The following MKRN2 variants were observed in gnomAD, a reference collection of about 807,000 sequenced individuals.
MKRN2 encodes makorin ring finger protein 2, also known as E3 ubiquitin-protein ligase makorin-2.
A neutral mutation model predicts 45.4 loss-of-function variants in MKRN2; 32 were observed. That is an observed-to-expected ratio of 0.70 (90% CI 0.53 to 0.95). The LOEUF is 0.95. MKRN2 is among the 40% of genes least tolerant of loss of function. The pLI, the probability that MKRN2 is intolerant of heterozygous loss-of-function variation, is 0.00. For missense variants in MKRN2, 526 were observed against 536.7 expected, an observed-to-expected ratio of 0.98 and a Z score of 0.20; for synonymous variants, 206 against 192.4, an observed-to-expected ratio of 1.07 and a Z score of -0.59.
At chr3:12,568,840 T>C (rs777144768) in intron 1 of MKRN2, 35 bp from the exon 2 acceptor site, 1 of 1,597,078 alleles carries the variant, frequency 6.3e-7, no homozygotes, top group South Asian at 1.1e-5. Flanking sequence ...CAAAATGTGC[T>C]TCTAAAAGTT....
chr3:12,580,556 A>T (rs973135052), intron 6 of MKRN2, among the ~76,000 whole-genome samples: 4 of 151,612 alleles, frequency 2.6e-5, no homozygotes, highest in African/African-American at 9.7e-5. Context: ...GGGTTCAAGC[A>T]ATTCTCCTGC....
chr3:12,575,295 C>T (rs907795190), intron 5 of MKRN2, among the ~76,000 whole-genome samples: 1 of 152,166 alleles, frequency 6.6e-6, no homozygotes, highest in Non-Finnish European at 1.5e-5. Flanking sequence ...CATCTCCTAG[C>T]CTTGTGTTTG....
intron 5 of MKRN2, among the ~76,000 whole-genome samples, chr3:12,576,090 A>G (rs1261056482): frequency 6.6e-6 from 1 of 152,016 alleles, no homozygotes; most frequent in African/African-American, 2.4e-5. Context: ...CTGTTGGAGA[A>G]TCTGCCAGAC....
At chr3:12,579,951 C>T (rs116310471) in intron 6 of MKRN2, among the ~76,000 whole-genome samples, 2,602 of 152,238 alleles carry the variant, frequency 0.017, 78 homozygotes, top group African/African-American at 0.059. Flanking sequence ...GAAGCTCCTC[C>T]GTGCTGCTCT....
In MKRN2 at chr3:12,582,958, G is replaced by C. The variant is rs996164419; in HGVS notation, c.*705G>C. On this transcript the variant is annotated 3_prime_UTR_variant, in exon 8 of 8. Coordinates refer to ENST00000170447, the MANE Select transcript of MKRN2 (RefSeq NM_014160.5). Reference sequence around the variant, plus strand: ...GAGGTACAGTACTGGGTAGCAGTCTGGCCCTCCTGTCGTCTGGTTGGTGTT... The same window carrying C: ...GAGGTACAGTACTGGGTAGCAGTCTCGCCCTCCTGTCGTCTGGTTGGTGTT... 1 of 152,254 alleles carries C rather than the reference G, an allele frequency of 6.6e-6. No homozygotes were observed. Among genetic ancestry groups the C allele is most frequent in the Non-Finnish European group, 1.5e-5 (1 of 68,072 alleles). The allele number at this position is 152,254 out of a possible 1,614,324, so 9.4% of individuals were successfully genotyped here.
intron 6 of MKRN2, among the ~76,000 whole-genome samples, chr3:12,581,165 G>A (rs540600323): frequency 7.5e-4 from 114 of 152,276 alleles, no homozygotes; most frequent in African/African-American, 2.5e-3. Context: ...AAAACATTTT[G>A]AACTGTTTGG....
At chr3:12,564,273 G>A (rs535933594) in intron 1 of MKRN2, among the ~76,000 whole-genome samples, 2 of 152,254 alleles carry the variant, frequency 1.3e-5, no homozygotes, top group South Asian at 2.1e-4. Flanking sequence ...ATACCCAGAA[G>A]TGGAATTGCC....
Position 12,576,590 on chromosome 3 carries a change from G to A in MKRN2, c.858-41G>A, listed in dbSNP as rs577333767. 25 of 1,447,788 alleles carry A rather than the reference G, an allele frequency of 1.7e-5. No homozygotes were observed. In the East Asian group the frequency reaches 2.6e-4, roughly 15 times the overall value. The allele number at this position is 1,447,788 out of a possible 1,614,324, so 89.7% of individuals were successfully genotyped here. On this transcript the variant is annotated intron_variant, in intron 5 of 7. Transcript: ENST00000170447. ...TTAGCAGAGAGTGTGCCCAGGCTTCGTAACATGACTTCTCCCTTAGTAATC... is the reference window on the plus strand; with the variant it reads ...TTAGCAGAGAGTGTGCCCAGGCTTCATAACATGACTTCTCCCTTAGTAATC...
At chr3:12,576,217 G>T (rs1008861373) in intron 5 of MKRN2, among the ~76,000 whole-genome samples, 30 of 150,432 alleles carry the variant, frequency 2.0e-4, no homozygotes, top group Non-Finnish European at 2.7e-4. Flanking sequence ...GTGTGTGTGT[G>T]TGTGTGTGTG....
intron 1 of MKRN2, among the ~76,000 whole-genome samples, chr3:12,562,602 C>T (rs1297282460): frequency 6.6e-6 from 1 of 152,080 alleles, no homozygotes; most frequent in East Asian, 1.9e-4. Context: ...AGGAACCAGG[C>T]CACACAGCAG....
intron 1 of MKRN2, among the ~76,000 whole-genome samples, 170 bp downstream of exon 1, chr3:12,557,346 G>A (rs1036985348): frequency 1.3e-5 from 2 of 152,246 alleles, no homozygotes; most frequent in Non-Finnish European, 2.9e-5. Flanking sequence ...GCCACAGCCG[G>A]GGATCCGGGG....
intron 5 of MKRN2, among the ~76,000 whole-genome samples, chr3:12,576,252 G>C (rs2058135939): frequency 6.6e-6 from 1 of 150,420 alleles, no homozygotes. Flanking sequence ...TTTAAGTTCT[G>C]GGGTACATGT....
Position 12,576,605 on chromosome 3 carries a change from C to G in MKRN2, c.858-26C>G, listed in dbSNP as rs753168283. 2.6e-6 allele frequency: 4 copies of G among 1,525,054 alleles called. No individual in the cohort carries two copies. The South Asian group carries it at 4.5e-5, about 17-fold the overall frequency. The allele number at this position is 1,525,054 out of a possible 1,614,324, so 94.5% of individuals were successfully genotyped here. A position where few individuals can be genotyped will look rare whatever the true frequency, so the allele number is the denominator to read the frequency against. ...CCCAGGCTTCGTAACATGACTTCTC[C>G]CTTAGTAATCTAATTCTTATTTCAG... is the stretch of plus-strand genomic sequence containing the variant. On this transcript the variant is annotated intron_variant, in intron 5 of 7. Coordinates refer to ENST00000170447, the MANE Select transcript of MKRN2 (RefSeq NM_014160.5).
Position 12,572,203 on chromosome 3 carries a change from G to A in MKRN2, c.472G>A (p.Val158Met), listed in dbSNP as rs753370925. The A allele has an allele frequency of 2.7e-5, 43 of 1,614,052 alleles. No homozygotes were observed. The highest frequency in any genetic ancestry group is 6.6e-5 in the South Asian group (6 of 91,068). Reference sequence around the variant, plus strand: ...TGCCATCAGGAGTGGCCTTGATGACGTGGAGGCCAGCAGCTCCTACAGCAA... The same window carrying A: ...TGCCATCAGGAGTGGCCTTGATGACATGGAGGCCAGCAGCTCCTACAGCAA... ...LDAIRSGLDD[V>M]EASSSYSNEQ... The change falls in exon 4 of 8, where the codon GTG becomes ATG. Residue 158 changes from valine (V) to methionine (M), a missense_variant. Physicochemically the swap from Val to Met is conservative, Grantham distance 21. Coordinates refer to ENST00000170447, the MANE Select transcript of MKRN2 (RefSeq NM_014160.5).
intron 6 of MKRN2, 27 bp downstream of exon 6, chr3:12,576,768 C>A (rs751240676): frequency 1.3e-6 from 2 of 1,497,540 alleles, no homozygotes; most frequent in South Asian, 1.1e-5. Flanking sequence ...TTCGACGTGC[C>A]CCTGCTGCCT....
rs767738289 is a variant in MKRN2 at position 12,570,098 on chromosome 3, A to T, written c.183A>T (p.Ala61=). Residue 61 remains alanine, a synonymous_variant, in exon 3 of 8, where the codon GCA becomes GCT. Transcript: ENST00000170447. ...CRYDHTRPSA[A]AGGAVGTMAH... Reference sequence around the variant, plus strand: ...ATGACCACACGAGGCCCTCTGCTGCAGCTGGAGGTGCTGTGGGCACCATGG... The same window carrying T: ...ATGACCACACGAGGCCCTCTGCTGCTGCTGGAGGTGCTGTGGGCACCATGG... The T allele has an allele frequency of 1.2e-6, 2 of 1,612,998 alleles. No homozygotes were observed. Among genetic ancestry groups the T allele is most frequent in the Admixed American group, 1.7e-5 (1 of 59,706 alleles).
chr3:12,572,103 G>T lies in MKRN2; in HGVS notation c.372G>T (p.Pro124=). The T allele has an allele frequency of 6.2e-7, 1 of 1,612,894 alleles. No individual in the cohort carries two copies. Among genetic ancestry groups the T allele is most frequent in the Non-Finnish European group, 8.5e-7 (1 of 1,179,258 alleles). Residue 124 remains proline (P), a synonymous_variant, in exon 4 of 8, where the codon CCG becomes CCT. Coordinates refer to ENST00000170447, the MANE Select transcript of MKRN2 (RefSeq NM_014160.5). ...LSGMAERKTQ[P]SMVSNPGSCS... ...GCATGGCTGAAAGGAAGACCCAGCCGAGCATGGTGAGTAATCCAGGCAGCT... is the reference window on the plus strand; with the variant it reads ...GCATGGCTGAAAGGAAGACCCAGCCTAGCATGGTGAGTAATCCAGGCAGCT...
chr3:12,571,355 C>T (rs538433042), intron 3 of MKRN2, among the ~76,000 whole-genome samples: 2 of 152,072 alleles, frequency 1.3e-5, no homozygotes, highest in Admixed American at 6.6e-5. Flanking sequence ...ATGATCCGCC[C>T]GCCTCGGCCT....
At position 12,570,191 on chromosome 3, in the gene MKRN2, G is replaced by A; in HGVS notation, c.276G>A (p.Val92=). Residue 92 remains valine (V), a synonymous_variant, in exon 3 of 8, where the codon GTG becomes GTA. Coordinates refer to ENST00000170447, the MANE Select transcript of MKRN2 (RefSeq NM_014160.5). ...HPPSEVTASI[V]KTNSHEPGKR... The stretch of plus-strand genomic sequence containing the variant: ...CTTCCGAGGTCACTGCATCCATTGT[G>A]AAAACTAACTCACATGAACCCGGAA... The A allele has an allele frequency of 6.2e-7, 1 of 1,614,156 alleles. No homozygotes were observed. The highest frequency in any genetic ancestry group is 8.5e-7 in the Non-Finnish European group (1 of 1,180,024).
Sources: gnomAD v4.1 joint callset for allele counts (sites outside exome capture counted in the v4.1 genomes callset) on GRCh38, gnomAD v4.1.1 for gene constraint, MANE v1.5 for transcripts, NCBI Gene and HGNC (gene_info 2026-07-23, HGNC 2026-07-21) for gene names.